SCLT1: variants seen among roughly 807,000 people sequenced by gnomAD.
The protein encoded by SCLT1 is sodium channel-associated protein 1.
A neutral mutation model predicts 112.8 loss-of-function variants in SCLT1; 78 were observed. The observed-to-expected ratio is 0.69, with a 90% CI of 0.58 to 0.83. SCLT1 has a LOEUF of 0.83. Among genes scored for constraint, SCLT1 ranks in the 40% least tolerant of loss-of-function variants. The pLI, the probability that SCLT1 is intolerant of heterozygous loss-of-function variation, is 0.00. For synonymous variants in SCLT1, 257 were observed against 254.7 expected (o/e 1.01, Z -0.09); for missense variants, 747 against 770.4 (o/e 0.97, Z 0.36).
At chr4:129,010,933 T>C (rs936633393) in intron 5 of SCLT1, among the ~76,000 whole-genome samples, 3 of 152,348 alleles carry the variant, frequency 2.0e-5, no homozygotes, top group South Asian at 2.1e-4. Context: ...CTGACTGCCC[T>C]GGCCAGGACT....
intron 5 of SCLT1, among the ~76,000 whole-genome samples, chr4:129,030,873 A>T (rs866916441): frequency 1.1e-4 from 16 of 151,338 alleles, no homozygotes; most frequent in South Asian, 2.1e-4. Context: ...CGAATTCTAC[A>T]TCAATATTCT....
Position 128,884,536 on chromosome 4 carries a change from TG to T in SCLT1, c.2007del (p.Ser670ValfsTer2). ...TTTCTTCTCTGCACTGTAATCACAC[TG>T]AGCTGCAATTAAAATAAACAATCGG... ...EERAASASQQLSVITVQRRKA... is the reference protein window; with the variant it reads ...EERAASASQQXSVITVQRRKA... On this transcript the variant is annotated frameshift_variant and splice_region_variant, in exon 21 of 21. Transcript: ENST00000281142. LOFTEE classifies it high-confidence loss of function. The T allele has an allele frequency of 6.3e-7, 1 of 1,591,934 alleles. No homozygotes were observed. The highest frequency in any genetic ancestry group is 1.1e-5 in the South Asian group (1 of 90,312).
intron 9 of SCLT1, among the ~76,000 whole-genome samples, chr4:128,974,179 T>C (rs1029487857): frequency 6.6e-6 from 1 of 152,182 alleles, no homozygotes; most frequent in Non-Finnish European, 1.5e-5. Context: ...TGCCTTTTAT[T>C]AGATTAAATT....
intron 5 of SCLT1, among the ~76,000 whole-genome samples, chr4:129,025,967 T>C (rs1170387469): frequency 6.6e-6 from 1 of 151,994 alleles, no homozygotes. Context: ...CATTACATAA[T>C]GGTAAAGGGA....
At chr4:129,029,237 T>C (rs935270025) in intron 5 of SCLT1, among the ~76,000 whole-genome samples, 7 of 152,094 alleles carry the variant, frequency 4.6e-5, no homozygotes, top group East Asian at 1.9e-4. Flanking sequence ...TGTATGTTTA[T>C]TGCGGCACTA....
In SCLT1 at chr4:128,948,600, T is replaced by C. The variant is rs763711439; in HGVS notation, c.1219-30A>G. The C allele has an allele frequency of 4.0e-5, 60 of 1,500,506 alleles. No homozygotes were observed. In the South Asian group the frequency reaches 5.3e-4, roughly 13 times the overall value. The allele number at this position is 1,500,506 out of a possible 1,614,324, so 92.9% of individuals were successfully genotyped here. ...AAATTCAAGTCATATTGTAAATATA[T>C]ACATTTGGTAACATCTTAAGAAAAG... On this transcript the variant is annotated intron_variant, in intron 14 of 20. Transcript: ENST00000281142.
At chr4:129,073,671 ATTAG>A (rs1309235371) in intron 2 of SCLT1, among the ~76,000 whole-genome samples, 3 of 150,554 alleles carry the variant, frequency 2.0e-5, no homozygotes, top group African/African-American at 7.4e-5. Flanking sequence ...TGCACAACAA[ATTAG>A]TTATAGACCA....
In SCLT1 at chr4:128,940,734, G is replaced by A. The variant is rs187799967; in HGVS notation, c.1632+2262C>T. Among the ~76,000 whole-genome samples the A allele has an allele frequency of 8.6e-5, 13 of 151,510 alleles. No individual in the cohort carries two copies. The East Asian group carries it at 2.3e-3, about 27-fold the overall frequency. On this transcript the variant is annotated intron_variant, in intron 17 of 20. Transcript: ENST00000281142. ...ATTATCTGAGTTTTGGGAGTAGAGG[G>A]ACTTTATATATTTTTTTTAATGTTT...
intron 9 of SCLT1, among the ~76,000 whole-genome samples, chr4:128,986,910 C>T (rs1742146082): frequency 6.6e-6 from 1 of 152,030 alleles, no homozygotes; most frequent in South Asian, 2.1e-4. Context: ...TGAGAGTGGG[C>T]ACGTCACCTC....
chr4:129,070,309 G>T (rs58689608), intron 2 of SCLT1, among the ~76,000 whole-genome samples: 109,577 of 151,948 alleles, frequency 0.72, 41,535 homozygotes, highest in South Asian at 0.89. Flanking sequence ...CTCTATCTTG[G>T]GGAATAGTAT....
intron 19 of SCLT1, among the ~76,000 whole-genome samples, chr4:128,889,484 A>T (rs754018743): frequency 6.6e-6 from 1 of 152,204 alleles, no homozygotes; most frequent in Non-Finnish European, 1.5e-5. Context: ...TCTCCCTCAC[A>T]GCTCTCAGAA....
chr4:129,043,409 GC>G lies in SCLT1; in HGVS notation c.219del (p.Gln73HisfsTer2). 1 of 1,516,918 alleles carries G rather than the reference GC, an allele frequency of 6.6e-7. No homozygotes were observed. The allele number at this position is 1,516,918 out of a possible 1,614,324, so 94.0% of individuals were successfully genotyped here. On this transcript the variant is annotated frameshift_variant, in exon 4 of 21. Coordinates refer to ENST00000281142, the MANE Select transcript of SCLT1 (RefSeq NM_144643.4). LOFTEE classifies it high-confidence loss of function. ...TGATTTCATACCTGGTAATATTTCA[GC>G]TGCCCATTTAGTTCTCCTAGGTGTT... Reference protein sequence around the residue: ...YDKHLGELNGQLKYYQKQVGE... With the variant: ...YDKHLGELNGXLKYYQKQVGE...
At position 128,997,922 on chromosome 4, in the gene SCLT1, A is replaced by G; in HGVS notation, c.567T>C (p.Phe189=). ...CATGAAGTTGTTTGGTCAGTTGTTG[A>G]AAATCAAATAGCTGATCCTACAGTG... ...SQKQKDQLFD[F]QQLTKQLHVT... is the part of the protein sequence containing the mutation. Residue 189 remains phenylalanine (F), a synonymous_variant, in exon 8 of 21, where the codon TTT becomes TTC. Transcript: ENST00000281142. The G allele has an allele frequency of 6.6e-7, 1 of 1,512,626 alleles. No homozygotes were observed. The highest frequency in any genetic ancestry group is 8.9e-7 in the Non-Finnish European group (1 of 1,123,398). 93.7% of individuals were successfully genotyped at this position (1,512,626 alleles called of 1,614,324 possible).
chr4:129,023,985 G>A (rs1334216811), intron 5 of SCLT1, among the ~76,000 whole-genome samples: 1 of 152,230 alleles, frequency 6.6e-6, no homozygotes, highest in Non-Finnish European at 1.5e-5. Flanking sequence ...CGAGGCTGGG[G>A]GAGGGGCGCC....
At chr4:129,055,152 G>C (rs1254478229) in intron 2 of SCLT1, among the ~76,000 whole-genome samples, 2 of 152,198 alleles carry the variant, frequency 1.3e-5, no homozygotes, top group African/African-American at 2.4e-5. Context: ...CATCCCAGAG[G>C]GGCACTGGCC....
chr4:129,041,821 C>T (rs1385157278), intron 4 of SCLT1: 1 of 152,334 alleles, frequency 6.6e-6, no homozygotes, highest in Non-Finnish European at 1.5e-5. Flanking sequence ...TCTCGGCTCA[C>T]TGCAGCCTCT....
chr4:128,975,525 T>G (rs1741091968), intron 9 of SCLT1, among the ~76,000 whole-genome samples: 1 of 152,224 alleles, frequency 6.6e-6, no homozygotes, highest in African/African-American at 2.4e-5. Flanking sequence ...CAAATTTTTA[T>G]GTTTCTTCCT....
intron 18 of SCLT1, among the ~76,000 whole-genome samples, chr4:128,919,373 A>AT (rs1186032748): frequency 6.6e-6 from 1 of 152,180 alleles, no homozygotes; most frequent in African/African-American, 2.4e-5. Flanking sequence ...TTTGAAACTA[A>AT]TGAGAACAAA....
At chr4:129,086,604 A>T (rs1752416691) in intron 1 of SCLT1, among the ~76,000 whole-genome samples, 19 of 152,218 alleles carry the variant, frequency 1.2e-4, no homozygotes, top group Admixed American at 1.0e-3. Flanking sequence ...TTGGTATGAG[A>T]ACTGTAAAGG....
Sources: gnomAD v4.1 joint callset for allele counts (sites outside exome capture counted in the v4.1 genomes callset) on GRCh38, gnomAD v4.1.1 for gene constraint, MANE v1.5 for transcripts, NCBI Gene and HGNC (gene_info 2026-07-23, HGNC 2026-07-21) for gene names.